The following DGKI variants were observed in gnomAD, a reference collection of about 807,000 sequenced individuals.
DGKI encodes diacylglycerol kinase iota.
A neutral mutation model predicts 147.5 loss-of-function variants in DGKI; 55 were observed. The observed-to-expected ratio is 0.37, with a 90% confidence interval of 0.30 to 0.47. The LOEUF is 0.47. Ranked by LOEUF, DGKI falls within the 20% of genes least tolerant of loss-of-function variation. The pLI, the probability that DGKI is intolerant of heterozygous loss-of-function variation, is 1.00. For synonymous variants in DGKI, 469 were observed against 477.1 expected, an observed-to-expected ratio of 0.98 and a Z score of 0.22; for missense variants, 1,007 against 1,323.8, an observed-to-expected ratio of 0.76 and a Z score of 3.71.
chr7:137,579,456 GA>G (rs1297240371), intron 15 of DGKI, among the ~76,000 whole-genome samples: 36 of 137,304 alleles, frequency 2.6e-4, no homozygotes, highest in Middle Eastern at 4.0e-3. Context: ...AAAAAAGAAA[GA>G]AAAAAAGGCT....
intron 17 of DGKI, among the ~76,000 whole-genome samples, chr7:137,574,027 T>C (rs1423596194): frequency 6.6e-6 from 1 of 152,206 alleles, no homozygotes; most frequent in African/African-American, 2.4e-5. Flanking sequence ...ACCTTCTCAT[T>C]TGGAGAGAGG....
intron 27 of DGKI, among the ~76,000 whole-genome samples, chr7:137,451,885 C>G (rs1022807503): frequency 2.2e-4 from 34 of 152,056 alleles, no homozygotes; most frequent in African/African-American, 8.2e-4. Context: ...TTCATCATCT[C>G]ATGGCTTTAA....
intron 23 of DGKI, among the ~76,000 whole-genome samples, chr7:137,478,685 C>G (rs115759808): frequency 1.3e-5 from 2 of 151,978 alleles, no homozygotes; most frequent in Non-Finnish European, 2.9e-5. Flanking sequence ...CAATGTGGAC[C>G]GTGAATTAGA....
intron 1 of DGKI, among the ~76,000 whole-genome samples, chr7:137,705,177 T>C (rs1793975095): frequency 6.6e-6 from 1 of 152,118 alleles, no homozygotes; most frequent in African/African-American, 2.4e-5. Context: ...GTAAATCACT[T>C]TGACAACTAT....
At chr7:137,569,411 C>T (rs572002997) in intron 19 of DGKI, among the ~76,000 whole-genome samples, 133 of 151,976 alleles carry the variant, frequency 8.8e-4, no homozygotes, top group African/African-American at 2.3e-3. Context: ...CCATCATATA[C>T]GGGCATGATT....
At chr7:137,511,736 G>A (rs753742057) in intron 21 of DGKI, among the ~76,000 whole-genome samples, 30 of 152,164 alleles carry the variant, frequency 2.0e-4, no homozygotes, top group Non-Finnish European at 2.6e-4. Flanking sequence ...CTCTGCTTTC[G>A]GAACTGAAGC....
chr7:137,682,331 G>C (rs892296271), intron 2 of DGKI, among the ~76,000 whole-genome samples: 1 of 152,076 alleles, frequency 6.6e-6, no homozygotes, highest in Non-Finnish European at 1.5e-5. Context: ...TAATCAATGT[G>C]AGCTTTGGAG....
At chr7:137,570,362 A>C (rs150549093) in intron 19 of DGKI, among the ~76,000 whole-genome samples, 1 of 152,344 alleles carries the variant, frequency 6.6e-6, no homozygotes, top group East Asian at 1.9e-4. Flanking sequence ...TTAAAATACA[A>C]GGTGATCTCA....
At chr7:137,488,927 G>C (rs1383328888) in intron 21 of DGKI, among the ~76,000 whole-genome samples, 1 of 152,166 alleles carries the variant, frequency 6.6e-6, no homozygotes, top group African/African-American at 2.4e-5. Flanking sequence ...CCTGGGTGAA[G>C]GGGTAGATTT....
intron 23 of DGKI, among the ~76,000 whole-genome samples, chr7:137,471,944 C>T (rs9655902): frequency 2.9e-5 from 4 of 137,164 alleles, no homozygotes; most frequent in Non-Finnish European, 6.1e-5. Flanking sequence ...ATAATATATA[C>T]ACATGTATAT....
At chr7:137,666,424 C>CA (rs1242647592) in intron 3 of DGKI, among the ~76,000 whole-genome samples, 2 of 151,998 alleles carry the variant, frequency 1.3e-5, no homozygotes, top group Non-Finnish European at 2.9e-5. Context: ...CACAAACAAA[C>CA]AAAAAAACAG....
intron 1 of DGKI, among the ~76,000 whole-genome samples, chr7:137,768,789 G>A (rs765786222): frequency 2.0e-5 from 3 of 152,110 alleles, no homozygotes; most frequent in Non-Finnish European, 4.4e-5. Flanking sequence ...AAAATAAATT[G>A]CAGCCGCTTG....
At chr7:137,763,307 C>G (rs1795915807) in intron 1 of DGKI, among the ~76,000 whole-genome samples, 1 of 152,232 alleles carries the variant, frequency 6.6e-6, no homozygotes, top group South Asian at 2.1e-4. Flanking sequence ...CAGCCTTGTC[C>G]AGGAAGCTAC....
intron 1 of DGKI, among the ~76,000 whole-genome samples, chr7:137,698,809 C>A (rs759050103): frequency 2.1e-4 from 32 of 152,140 alleles, no homozygotes; most frequent in Non-Finnish European, 3.4e-4. Flanking sequence ...AGTGATAAAA[C>A]CAAGACTGGA....
intron 4 of DGKI, 43 bp from the exon 5 acceptor site, chr7:137,654,831 TCAGA>T (rs1468913850): frequency 1.6e-6 from 2 of 1,274,726 alleles, no homozygotes; most frequent in Non-Finnish European, 2.3e-6. Flanking sequence ...GAGATAAGCA[TCAGA>T]CTAGACTGAA....
chr7:137,827,057 C>G (rs1477990398), intron 1 of DGKI, among the ~76,000 whole-genome samples: 13 of 152,156 alleles, frequency 8.5e-5, no homozygotes, highest in Admixed American at 8.5e-4. Flanking sequence ...GCAGACAGAA[C>G]AGGGGTCCCC....
intron 6 of DGKI, among the ~76,000 whole-genome samples, chr7:137,629,245 T>C (rs952641150): frequency 3.4e-4 from 52 of 152,330 alleles, no homozygotes; most frequent in African/African-American, 1.2e-3. Context: ...AGTACTTTTA[T>C]GTATTTTATA....
intron 1 of DGKI, among the ~76,000 whole-genome samples, chr7:137,707,683 T>C (rs571742886): frequency 1.4e-4 from 21 of 152,332 alleles, no homozygotes; most frequent in African/African-American, 5.1e-4. Flanking sequence ...CCTTCTGCTA[T>C]GATTATAAGT....
At chr7:137,528,859 A>G (rs1053382882) in intron 20 of DGKI, among the ~76,000 whole-genome samples, 1 of 152,162 alleles carries the variant, frequency 6.6e-6, no homozygotes, top group African/African-American at 2.4e-5. Flanking sequence ...CCTGCAGTCT[A>G]AATTTTCCTC....
Sources: allele counts gnomAD v4.1 joint callset (sites outside exome capture counted in the v4.1 genomes callset), GRCh38; gene constraint gnomAD v4.1.1; transcripts MANE v1.5; gene names NCBI Gene and HGNC (gene_info 2026-07-23, HGNC 2026-07-21).